Variants in ITGB8 observed in about 807,000 individuals in gnomAD.
ITGB8 encodes the protein integrin subunit beta 8, also known as integrin beta-8.
A neutral mutation model predicts 89.5 loss-of-function variants in ITGB8; 30 were observed. The observed-to-expected ratio is 0.34, with a 90% CI of 0.25 to 0.45. ITGB8 has a LOEUF of 0.45. ITGB8 is among the 20% of genes least tolerant of loss of function. The probability of loss-of-function intolerance (pLI) is 1.00; values close to 1 mark genes in which losing one functional copy is unlikely to be tolerated. For missense variants in ITGB8, 836 were observed against 933.3 expected, an observed-to-expected ratio of 0.90 and a Z score of 1.36; for synonymous variants, 335 against 320.4, an observed-to-expected ratio of 1.05 and a Z score of -0.49.
rs572652602 is a variant in ITGB8, at chr7:20,407,048, T to A, written c.2023+877T>A. On this transcript the variant is annotated intron_variant, in intron 12 of 13. Coordinates refer to ENST00000222573, the MANE Select transcript of ITGB8 (RefSeq NM_002214.3). ...TTCAGAACTAGAAGCAAGTTTGGAT[T>A]ATGAAGGAAAATTATGGCTCCACAG... Among the ~76,000 whole-genome samples the A allele has an allele frequency of 8.5e-5, 13 of 152,316 alleles. No homozygotes were observed. The East Asian group carries it at 2.3e-3, about 27-fold the overall frequency.
At chr7:20,330,236 AG>A (rs757117433), upstream of ITGB8, among the ~76,000 whole-genome samples, 34 of 152,246 alleles carry the variant, frequency 2.2e-4, no homozygotes, top group Non-Finnish European at 4.0e-4. Context: ...AACTCTCCAA[AG>A]GCTAGGGACA....
At chr7:20,354,788 T>G (rs1234152732) in intron 1 of ITGB8, among the ~76,000 whole-genome samples, 1 of 152,234 alleles carries the variant, frequency 6.6e-6, no homozygotes, top group African/African-American at 2.4e-5. Context: ...AAACTTCTGC[T>G]TCCATTTAAA....
At chr7:20,358,008 C>T (rs1441678687) in intron 1 of ITGB8, among the ~76,000 whole-genome samples, 1 of 152,142 alleles carries the variant, frequency 6.6e-6, no homozygotes, top group African/African-American at 2.4e-5. Context: ...CTCTGTTGCT[C>T]AGGCTGGAGT....
chr7:20,338,941 C>T (rs1278713695), intron 1 of ITGB8, among the ~76,000 whole-genome samples: 1 of 152,092 alleles, frequency 6.6e-6, no homozygotes, highest in East Asian at 1.9e-4. Flanking sequence ...CACCTGTAAT[C>T]CCAGCACTTT....
intron 2 of ITGB8, chr7:20,364,955 G>A (rs1283408586): frequency 6.6e-6 from 1 of 152,150 alleles, no homozygotes; most frequent in African/African-American, 2.4e-5. Context: ...GTGCCAACTT[G>A]CTGTCAACTG....
At chr7:20,387,000 GC>G (rs1311935179) in intron 6 of ITGB8, among the ~76,000 whole-genome samples, 1 of 152,104 alleles carries the variant, frequency 6.6e-6, no homozygotes, top group African/African-American at 2.4e-5. Context: ...CATCTGCAGG[GC>G]CAGGTAAGAA....
chr7:20,339,633 T>C (rs867540313), intron 1 of ITGB8, among the ~76,000 whole-genome samples: 1 of 152,220 alleles, frequency 6.6e-6, no homozygotes, highest in African/African-American at 2.4e-5. Flanking sequence ...ATAAGATTAT[T>C]AACTTAAAAT....
chr7:20,376,300 T>C (rs765866183), intron 3 of ITGB8, among the ~76,000 whole-genome samples: 14 of 152,164 alleles, frequency 9.2e-5, no homozygotes, highest in South Asian at 2.1e-4. Flanking sequence ...AAATGGGTCA[T>C]AGTACTTCAT....
At position 20,406,048 on chromosome 7, in the gene ITGB8, G is replaced by C; in HGVS notation, c.1914-14G>C. On this transcript the variant is annotated splice_polypyrimidine_tract_variant and intron_variant, in intron 11 of 13. Transcript: ENST00000222573. ...TTAAAGAATAAATATTTTCACTTCT[G>C]TTTCCCCTTGCAGGAATTGTATGCA... 1 of 1,453,308 alleles carries C rather than the reference G, an allele frequency of 6.9e-7. No homozygotes were observed. Among genetic ancestry groups the C allele is most frequent in the Non-Finnish European group, 9.7e-7 (1 of 1,034,030 alleles). The allele number at this position is 1,453,308 out of a possible 1,614,324, so 90.0% of individuals were successfully genotyped here. A position where few individuals can be genotyped will look rare whatever the true frequency, so the allele number is the denominator to read the frequency against.
chr7:20,402,119 G>A lies in ITGB8; in HGVS notation c.1680G>A (p.Leu560=). The A allele has an allele frequency of 6.2e-7, 1 of 1,608,994 alleles. No individual in the cohort carries two copies. The highest frequency in any genetic ancestry group is 1.1e-5 in the South Asian group (1 of 89,954). Reference sequence around the variant, plus strand: ...CTTGTCCATATCACCATGGAAATCTGTGTGCTGGTGAGTATAAATATATAC... The same window carrying A: ...CTTGTCCATATCACCATGGAAATCTATGTGCTGGTGAGTATAAATATATAC... ...DFSCPYHHGN[L]CAGHGECEAG... The change falls in exon 10 of 14, where the codon CTG becomes CTA. Residue 560 remains leucine (L), a synonymous_variant. Transcript: ENST00000222573.
At chr7:20,346,193 G>C (rs1007179669) in intron 1 of ITGB8, among the ~76,000 whole-genome samples, 2 of 152,172 alleles carry the variant, frequency 1.3e-5, no homozygotes, top group African/African-American at 4.8e-5. Flanking sequence ...GATTCTGGGA[G>C]AAACATCAGC....
Position 20,379,168 on chromosome 7 carries a change from T to A in ITGB8, c.506T>A (p.Val169Asp), listed in dbSNP as rs779020009. The change falls in exon 4 of 14, where the codon GTT becomes GAT. Residue 169 changes from valine (V) to aspartate (D), a missense_variant. Val to Asp is a radical substitution (Grantham distance 152). This residue lies in a region of ITGB8 where 38 missense variants were observed against 52.2 expected (regional missense o/e 0.73). Transcript: ENST00000222573. ...AATAATATAGAAAAATTAAATTCCG[T>A]TGGAAACGATTTATCTAGAAAAATG... ...MHNNIEKLNS[V>D]GNDLSRKMAF... 6.2e-7 allele frequency: 1 copy of A among 1,611,986 alleles called. No homozygotes were observed. Among genetic ancestry groups the A allele is most frequent in the East Asian group, 2.2e-5 (1 of 44,702 alleles).
intron 11 of ITGB8, among the ~76,000 whole-genome samples, chr7:20,405,467 C>A (rs955338324): frequency 2.7e-5 from 4 of 147,856 alleles, no homozygotes; most frequent in Non-Finnish European, 4.5e-5. Flanking sequence ...CCCGCCACCA[C>A]GCCGGGCTAA....
chr7:20,361,174 G>C (rs896576537), intron 1 of ITGB8, among the ~76,000 whole-genome samples: 1 of 151,996 alleles, frequency 6.6e-6, no homozygotes, highest in African/African-American at 2.4e-5. Context: ...GTCTGTCCGT[G>C]TTCTTTATCC....
At position 20,406,273 on chromosome 7, in the gene ITGB8, G is replaced by A. The variant is rs548350140; in HGVS notation, c.2023+102G>A. On this transcript the variant is annotated intron_variant, in intron 12 of 13. Transcript: ENST00000222573. ...ACCATGCTAAAGAAAGGACTGGGCC[G>A]GGTGTGGTGGCTCACACCTGTAATC... is the stretch of plus-strand genomic sequence containing the variant. The A allele has an allele frequency of 1.3e-4, 101 of 758,880 alleles. 1 individual carries two copies. The South Asian group carries it at 1.5e-3, about 11-fold the overall frequency. The allele number at this position is 758,880 out of a possible 1,614,324, so 47.0% of individuals were successfully genotyped here.
At chr7:20,402,294 G>C (rs145032356) in intron 10 of ITGB8, among the ~76,000 whole-genome samples, 168 bp downstream of exon 10, 2 of 152,180 alleles carry the variant, frequency 1.3e-5, no homozygotes, top group African/African-American at 4.8e-5. Flanking sequence ...TTTATAGTAC[G>C]TGATTTTGAT....
intron 3 of ITGB8, among the ~76,000 whole-genome samples, chr7:20,375,693 G>A (rs957818980): frequency 2.0e-5 from 3 of 152,132 alleles, no homozygotes; most frequent in Non-Finnish European, 4.4e-5. Flanking sequence ...TTAATTTAAT[G>A]TGAAATTAAA....
At chr7:20,396,220 C>CCT (rs1787069494) in intron 8 of ITGB8, among the ~76,000 whole-genome samples, 1 of 151,968 alleles carries the variant, frequency 6.6e-6, no homozygotes, top group African/African-American at 2.4e-5. Flanking sequence ...AGGTGGATCA[C>CCT]GAGGTCAGGA....
At chr7:20,405,327 A>ATATTT (rs143005781) in intron 11 of ITGB8, among the ~76,000 whole-genome samples, 69 of 139,244 alleles carry the variant, frequency 5.0e-4, no homozygotes, top group African/African-American at 1.8e-3. Flanking sequence ...ATATATATAT[A>ATATTT]TTTTTTTTTT....
Sources: allele counts gnomAD v4.1 joint callset (sites outside exome capture counted in the v4.1 genomes callset), GRCh38; gene constraint gnomAD v4.1.1; regional missense constraint gnomAD v4.1.1; transcripts MANE v1.5; gene names NCBI Gene and HGNC (gene_info 2026-07-23, HGNC 2026-07-21).